Variants in TPRG1 observed in about 807,000 individuals in gnomAD.
TPRG1 encodes tumor protein p63 regulated 1.
A neutral mutation model predicts 29.3 loss-of-function variants in TPRG1; 29 were observed. The ratio of observed to expected loss-of-function variants is 0.99; its 90% CI spans 0.74 to 1.35. TPRG1 has a LOEUF of 1.35. Ranked by LOEUF, TPRG1 falls within the 40% of genes most tolerant of loss-of-function variation. TPRG1 has a pLI of 0.00. For synonymous variants in TPRG1, 130 were observed against 116.8 expected (o/e 1.11, Z -0.73); for missense variants, 327 against 335.0 (o/e 0.98, Z 0.19).
intron 1 of TPRG1, among the ~76,000 whole-genome samples, chr3:189,101,243 C>A (rs942463357): frequency 6.6e-6 from 1 of 152,146 alleles, no homozygotes; most frequent in African/African-American, 2.4e-5. Flanking sequence ...TCCCTATCTT[C>A]TGCCCTAATT....
At chr3:189,169,460 C>T (rs954047369), upstream of TPRG1, among the ~76,000 whole-genome samples, 6 of 152,104 alleles carry the variant, frequency 3.9e-5, no homozygotes, top group Admixed American at 6.5e-5. Context: ...CCACCAGGCC[C>T]GGCCTGTAAA....
chr3:189,200,424 T>C (rs1282369749), intron 1 of TPRG1, among the ~76,000 whole-genome samples: 1 of 152,210 alleles, frequency 6.6e-6, no homozygotes, highest in African/African-American at 2.4e-5. Flanking sequence ...TTCACATAAA[T>C]TACCTTCACA....
At position 189,160,095 on chromosome 3, in the gene TPRG1, C is replaced by A. The variant is rs534029315; in HGVS notation, c.-10+9223C>A. On this transcript the variant is annotated intron_variant, in intron 5 of 6. Coordinates refer to the TPRG1 transcript ENST00000412373. ...AATGCTAAAGAGAAAGTAGGCAGAG[C>A]TGTTAGCCTGAGCTGAGATGGGCTG... Among the ~76,000 whole-genome samples, 3 of 152,206 alleles carry A rather than the reference C, an allele frequency of 2.0e-5. No individual in the cohort carries two copies. The East Asian group carries it at 5.8e-4, about 29-fold the overall frequency.
At chr3:189,079,574 A>G (rs950161948) in intron 4 of TPRG1, among the ~76,000 whole-genome samples, 38 of 151,662 alleles carry the variant, frequency 2.5e-4, no homozygotes, top group Admixed American at 2.3e-3. Context: ...ACTAATAATT[A>G]AAAACAGAAG....
chr3:189,205,905 G>A (rs377015080), intron 1 of TPRG1, among the ~76,000 whole-genome samples: 226 of 152,264 alleles, frequency 1.5e-3, no homozygotes, highest in African/African-American at 5.3e-3. Context: ...GTCATCTAGA[G>A]ATAACTATTG....
At chr3:189,004,002 C>A (rs577602334) in intron 2 of TPRG1, among the ~76,000 whole-genome samples, 1 of 151,976 alleles carries the variant, frequency 6.6e-6, no homozygotes, top group East Asian at 1.9e-4. Flanking sequence ...CCATTTTGTC[C>A]GAGTAAAACT....
chr3:189,271,435 A>C (rs1249312521), intron 4 of TPRG1, among the ~76,000 whole-genome samples: 1 of 152,188 alleles, frequency 6.6e-6, no homozygotes, highest in Non-Finnish European at 1.5e-5. Flanking sequence ...AAGCTTGCCC[A>C]CATGCACATA....
At chr3:189,240,766 A>T (rs1355919155) in intron 4 of TPRG1, among the ~76,000 whole-genome samples, 1 of 152,196 alleles carries the variant, frequency 6.6e-6, no homozygotes, top group Non-Finnish European at 1.5e-5. Context: ...GTCAAACCAT[A>T]TCAAGGTCTC....
chr3:189,006,295 C>A (rs1386445966), intron 3 of TPRG1, among the ~76,000 whole-genome samples: 1 of 152,014 alleles, frequency 6.6e-6, no homozygotes, highest in African/African-American at 2.4e-5. Flanking sequence ...CTCTACTTAT[C>A]TCCCAGGAGG....
At chr3:189,177,783 A>G (rs1004694680) in intron 1 of TPRG1, among the ~76,000 whole-genome samples, 4 of 152,170 alleles carry the variant, frequency 2.6e-5, no homozygotes, top group Non-Finnish European at 5.9e-5. Context: ...AATAATGAGA[A>G]TAATTCTTTT....
Position 189,249,367 on chromosome 3 carries a change from A to G in TPRG1, c.479+10458A>G, listed in dbSNP as rs138838567. Reference sequence around the variant, plus strand: ...AATTACTTTAATACCTTTCCTGATGACTATTGCAACCCTTACATTCTTTTT... The same window carrying G: ...AATTACTTTAATACCTTTCCTGATGGCTATTGCAACCCTTACATTCTTTTT... On this transcript the variant is annotated intron_variant, in intron 4 of 5. Coordinates refer to ENST00000345063, the MANE Select transcript of TPRG1 (RefSeq NM_198485.4). Among the ~76,000 whole-genome samples the G allele has an allele frequency of 4.1e-3, 621 of 151,938 alleles. 28 individuals carry two copies. The East Asian group carries it at 0.096, about 23-fold the overall frequency.
chr3:189,054,736 C>T (rs762745396), intron 4 of TPRG1, among the ~76,000 whole-genome samples: 2 of 151,860 alleles, frequency 1.3e-5, no homozygotes, highest in African/African-American at 2.4e-5. Flanking sequence ...GCTATGATTG[C>T]GTGACTGCAC....
chr3:189,236,106 A>C (rs988463095), intron 3 of TPRG1, among the ~76,000 whole-genome samples: 2 of 152,222 alleles, frequency 1.3e-5, no homozygotes, highest in African/African-American at 4.8e-5. Context: ...TACACAACCC[A>C]GGAACTTGAG....
intron 3 of TPRG1, among the ~76,000 whole-genome samples, chr3:189,005,356 A>G (rs1269107666): frequency 6.6e-6 from 1 of 152,134 alleles, no homozygotes. Context: ...GGAACAGATG[A>G]GAGGTGACTG....
At chr3:189,074,495 C>T (rs1717013227) in intron 4 of TPRG1, among the ~76,000 whole-genome samples, 1 of 151,942 alleles carries the variant, frequency 6.6e-6, no homozygotes, top group Non-Finnish European at 1.5e-5. Context: ...TGAGCCACCG[C>T]GCCCGGCCCA....
chr3:189,104,654 T>C (rs1414731441), intron 1 of TPRG1, among the ~76,000 whole-genome samples: 2 of 151,820 alleles, frequency 1.3e-5, no homozygotes, highest in Non-Finnish European at 2.9e-5. Context: ...GAACCCTCGG[T>C]CTACTAGATC....
At chr3:189,051,473 A>G (rs938732554) in intron 4 of TPRG1, among the ~76,000 whole-genome samples, 10 of 152,198 alleles carry the variant, frequency 6.6e-5, no homozygotes, top group Non-Finnish European at 1.0e-4. Context: ...AACACATTCC[A>G]TTCTCATGGA....
chr3:189,248,539 A>G (rs1741692636), intron 4 of TPRG1, among the ~76,000 whole-genome samples: 1 of 151,122 alleles, frequency 6.6e-6, no homozygotes, highest in Non-Finnish European at 1.5e-5. Flanking sequence ...TTCACTTGAA[A>G]TTTTAATTCA....
chr3:189,177,464 A>T (rs1401882775), intron 1 of TPRG1, among the ~76,000 whole-genome samples: 1 of 151,296 alleles, frequency 6.6e-6, no homozygotes, highest in Non-Finnish European at 1.5e-5. Context: ...TTATATATGC[A>T]TATACTTATA....
Sources: gnomAD v4.1 joint callset for allele counts (sites outside exome capture counted in the v4.1 genomes callset) on GRCh38, gnomAD v4.1.1 for gene constraint, MANE v1.5 for transcripts, NCBI Gene and HGNC (gene_info 2026-07-23, HGNC 2026-07-21) for gene names.